The following ZNF584 variants were observed in gnomAD, a reference collection of about 807,000 sequenced individuals.
ZNF584 encodes zinc finger protein 584.
In ZNF584, 12 loss-of-function variants were observed where a neutral mutation model predicts 14.7. The ratio of observed to expected loss-of-function variants is 0.82; its 90% CI spans 0.52 to 1.32. The LOEUF (loss-of-function observed/expected upper bound fraction) is 1.32. Ranked by LOEUF, ZNF584 falls within the 40% of genes most tolerant of loss-of-function variation. The probability of loss-of-function intolerance (pLI) is 0.00; values close to 1 mark genes in which losing one functional copy is unlikely to be tolerated. For synonymous variants in ZNF584, 204 were observed against 190.9 expected, an observed-to-expected ratio of 1.07 and a Z score of -0.57; for missense variants, 478 against 518.8, an observed-to-expected ratio of 0.92 and a Z score of 0.76.
chr19:58,410,094 A>G lies in ZNF584; in HGVS notation c.169+3A>G, dbSNP rs1419653527. 37 of 1,607,176 alleles carry G rather than the reference A, an allele frequency of 2.3e-5. No individual in the cohort carries two copies. Among genetic ancestry groups the G allele is most frequent in the Non-Finnish European group, 2.9e-5 (34 of 1,176,646 alleles). ...CTTTGCACTCGTTAGCTCACTGGGT[A>G]AGTCTCTTACACTGTCCCCCAGCAC... On this transcript the variant is annotated splice_donor_region_variant and intron_variant, in intron 2 of 3. Coordinates refer to ENST00000306910, the MANE Select transcript of ZNF584 (RefSeq NM_173548.3).
chr19:58,413,919 T>C (rs7260571), intron 2 of ZNF584, among the ~76,000 whole-genome samples: 83,339 of 151,016 alleles, frequency 0.55, 24,467 homozygotes, highest in African/African-American at 0.77. Flanking sequence ...CCTGGATTCA[T>C]GCCATTCTCC....
upstream of ZNF584, chr19:58,404,502 C>T (rs371474059): frequency 3.6e-5 from 6 of 165,100 alleles, no homozygotes; most frequent in South Asian, 2.4e-4. Context: ...TTAATCCATT[C>T]AACCCTGAGT....
rs1220859766 is a variant in ZNF584 at position 58,408,971 on chromosome 19, T to C, written c.-177T>C. ...ACAGGCGCCGTGGGTCTCCCGGGCC[T>C]CCGTACCGTCCTCCTTCCCAGCGGC... is the stretch of plus-strand genomic sequence containing the variant. On this transcript the variant is annotated 5_prime_UTR_variant, in exon 1 of 4. Coordinates refer to ENST00000306910, the MANE Select transcript of ZNF584 (RefSeq NM_173548.3). 3 of 724,040 alleles carry C rather than the reference T, an allele frequency of 4.1e-6. No homozygotes were observed. Among genetic ancestry groups the C allele is most frequent in the Non-Finnish European group, 4.1e-6 (2 of 483,798 alleles). The allele number at this position is 724,040 out of a possible 1,614,324, so 44.9% of individuals were successfully genotyped here. A position where few individuals can be genotyped will look rare whatever the true frequency, so the allele number is the denominator to read the frequency against.
chr19:58,413,450 A>C (rs1180354927), intron 2 of ZNF584, among the ~76,000 whole-genome samples: 2 of 151,682 alleles, frequency 1.3e-5, no homozygotes, highest in Non-Finnish European at 2.9e-5. Context: ...GGTTCAAGCA[A>C]TTCTGCTGCC....
chr19:58,414,498 C>T (rs1042582887), intron 2 of ZNF584, among the ~76,000 whole-genome samples: 1 of 147,748 alleles, frequency 6.8e-6, no homozygotes, highest in Admixed American at 6.8e-5. Context: ...GCCACCATGC[C>T]CGGGTAATTT....
chr19:58,410,880 C>T (rs1280048331), intron 2 of ZNF584, among the ~76,000 whole-genome samples: 2 of 139,956 alleles, frequency 1.4e-5, no homozygotes, highest in African/African-American at 5.3e-5. Context: ...CAACCTCTGC[C>T]TCCAGGGTTC....
At chr19:58,411,828 G>A (rs947263079) in intron 2 of ZNF584, among the ~76,000 whole-genome samples, 51 of 151,696 alleles carry the variant, frequency 3.4e-4, no homozygotes, top group Non-Finnish European at 7.4e-5. Context: ...ATTTTTCGTA[G>A]AGATGGGGTT....
chr19:58,414,826 C>A (rs2052619529), intron 2 of ZNF584, among the ~76,000 whole-genome samples: 1 of 152,026 alleles, frequency 6.6e-6, no homozygotes, highest in African/African-American at 2.4e-5. Flanking sequence ...GTTATTATTG[C>A]TGAACAGTCT....
Position 58,410,549 on chromosome 19 carries a change from A to ATATGTATATATGTATATATATATG in ZNF584, c.169+461_169+462insGTATATATGTATATATATATGTAT. Among the ~76,000 whole-genome samples, 2 of 31,562 alleles carry ATATGTATATATGTATATATATATG rather than the reference A, an allele frequency of 6.3e-5. 1 individual carries two copies. The highest frequency in any genetic ancestry group is 4.9e-4 in the African/African-American group (2 of 4,046). The allele number at this position is 31,562 out of a possible 152,430, so 20.7% of individuals were successfully genotyped here. ...TATATATATATATATATATATATAT[A>ATATGTATATATGTATATATATATG]TATATATATGTGTATATATATATGT... On this transcript the variant is annotated intron_variant, in intron 2 of 3. Transcript: ENST00000306910.
upstream of ZNF584, chr19:58,406,297 G>C (rs1472060154): frequency 7.0e-6 from 1 of 143,834 alleles, no homozygotes; most frequent in Non-Finnish European, 1.5e-5. Flanking sequence ...GATGGCAGCA[G>C]TACCGTCCAG....
At position 58,417,855 on chromosome 19, in the gene ZNF584, G is replaced by A. The variant is rs3764532; in HGVS notation, c.*71G>A. On this transcript the variant is annotated 3_prime_UTR_variant, in exon 4 of 4. Coordinates refer to ENST00000306910, the MANE Select transcript of ZNF584 (RefSeq NM_173548.3). Reference sequence around the variant, plus strand: ...GAGAGTGGCCGTGAGAGTGCCATCCGAAAGAAGCTAAACCTTGCACATCCC... The same window carrying A: ...GAGAGTGGCCGTGAGAGTGCCATCCAAAAGAAGCTAAACCTTGCACATCCC... The A allele has an allele frequency of 0.2, 306,544 of 1,517,954 alleles. 32,570 individuals are homozygous for A. The highest frequency in any genetic ancestry group is 0.22 in the Non-Finnish European group (244,398 of 1,130,908). 94.0% of individuals were successfully genotyped at this position (1,517,954 alleles called of 1,614,324 possible).
chr19:58,401,885 CA>C (rs781429177), intron 1 of ZNF584, among the ~76,000 whole-genome samples: 62 of 67,040 alleles, frequency 9.2e-4, no homozygotes, highest in Middle Eastern at 0.013. Context: ...TGAGACTCCT[CA>C]AAAAAAAAAA....
intron 3 of ZNF584, chr19:58,416,599 G>A (rs1258683499): frequency 2.3e-5 from 10 of 432,516 alleles, no homozygotes; most frequent in African/African-American, 8.1e-5. Flanking sequence ...ATGGGGTTTC[G>A]TCGTGTTGGT....
At chr19:58,402,824 C>CAAAAAAAA (rs35168811) in intron 1 of ZNF584, among the ~76,000 whole-genome samples, 2 of 47,480 alleles carry the variant, frequency 4.2e-5, no homozygotes, top group Non-Finnish European at 7.2e-5. Context: ...AACTGCGTCT[C>CAAAAAAAA]AAAAAAAAAA....
chr19:58,409,073 C>T lies in ZNF584; in HGVS notation c.-75C>T, dbSNP rs2052505982. On this transcript the variant is annotated 5_prime_UTR_variant, in exon 1 of 4. Coordinates refer to ENST00000306910, the MANE Select transcript of ZNF584 (RefSeq NM_173548.3). ...CTTCCCGGGAAGGTTCCACGGCGGC[C>T]GAGGGTTTCCGCGCCCGGGACGCGT... is the stretch of plus-strand genomic sequence containing the variant. 29 of 1,452,702 alleles carry T rather than the reference C, an allele frequency of 2.0e-5. No homozygotes were observed. The highest frequency in any genetic ancestry group is 2.5e-5 in the Non-Finnish European group (27 of 1,091,496). 90.0% of individuals were successfully genotyped at this position (1,452,702 alleles called of 1,614,324 possible).
intron 1 of ZNF584, 44 bp from the exon 2 acceptor site, chr19:58,409,897 G>C (rs774974642): frequency 6.2e-7 from 1 of 1,613,414 alleles, no homozygotes; most frequent in South Asian, 1.1e-5. Flanking sequence ...GTGTCCATCT[G>C]TCCATATTTT....
In ZNF584 at chr19:58,409,125, A is replaced by C; in HGVS notation, c.-23A>C. 6.8e-7 allele frequency: 1 copy of C among 1,468,216 alleles called. No individual in the cohort carries two copies. The highest frequency in any genetic ancestry group is 9.1e-7 in the Non-Finnish European group (1 of 1,101,250). The allele number at this position is 1,468,216 out of a possible 1,614,324, so 90.9% of individuals were successfully genotyped here. On this transcript the variant is annotated 5_prime_UTR_variant, in exon 1 of 4. Coordinates refer to ENST00000306910, the MANE Select transcript of ZNF584 (RefSeq NM_173548.3). ...TCGGCTGAGGCCGTGGGTCCAGTCC[A>C]CGGGTTCTGCCCGCACGGTCCAATG... is the stretch of plus-strand genomic sequence containing the variant.
chr19:58,416,851 G>C lies in ZNF584; in HGVS notation c.333G>C (p.Glu111Asp). 6.3e-7 allele frequency: 1 copy of C among 1,578,334 alleles called. No individual in the cohort carries two copies. Among genetic ancestry groups the C allele is most frequent in the South Asian group, 1.2e-5 (1 of 84,842 alleles). The change falls in exon 4 of 4, where the codon GAG (glutamate) becomes GAC (aspartate). Residue 111 changes from glutamate to aspartate, a missense_variant. Glu to Asp is a conservative substitution (Grantham distance 45). This residue lies in a region of ZNF584 where 189 missense variants were observed against 177.9 expected (regional missense o/e 1.06). Transcript: ENST00000306910. The part of the protein sequence containing the change: ...CRVEDERAHP[E>D]HLKSYRVIQH... ...TGGAGGATGAGAGAGCCCATCCTGA[G>C]CATCTAAAGAGCTACAGAGTCATCC...
chr19:58,410,171 A>G, intron 2 of ZNF584, 80 bp downstream of exon 2: 1 of 1,488,324 alleles, frequency 6.7e-7, no homozygotes. Flanking sequence ...TAACGAAGCC[A>G]GACCATGGGG....
Sources: gnomAD v4.1 joint callset for allele counts (sites outside exome capture counted in the v4.1 genomes callset) on GRCh38, gnomAD v4.1.1 for gene constraint, gnomAD v4.1.1 regional missense constraint, MANE v1.5 for transcripts, NCBI Gene and HGNC (gene_info 2026-07-23, HGNC 2026-07-21) for gene names.